ATP6V0A1: variants seen among roughly 807,000 people sequenced by gnomAD.
The protein encoded by ATP6V0A1 is V-type proton ATPase 116 kDa subunit a 1.
A neutral mutation model predicts 105.4 loss-of-function variants in ATP6V0A1; 43 were observed. The observed-to-expected ratio is 0.41, with a 90% CI of 0.32 to 0.53. The LOEUF (loss-of-function observed/expected upper bound fraction) is 0.53. Among genes scored for constraint, ATP6V0A1 ranks in the 20% least tolerant of loss-of-function variants. ATP6V0A1 has a pLI of 0.30. For missense variants in ATP6V0A1, 676 were observed against 1,051.1 expected, an observed-to-expected ratio of 0.64 and a Z score of 4.93; for synonymous variants, 362 against 372.8, an observed-to-expected ratio of 0.97 and a Z score of 0.33.
intron 17 of ATP6V0A1, among the ~76,000 whole-genome samples, chr17:42,505,626 C>T (rs560320715): frequency 6.6e-6 from 1 of 152,288 alleles, no homozygotes; most frequent in Non-Finnish European, 1.5e-5. Context: ...GTGTGAGCCA[C>T]TGTGCCCAGC....
intron 17 of ATP6V0A1, 31 bp downstream of exon 17, chr17:42,501,335 A>G: frequency 1.3e-6 from 2 of 1,523,630 alleles, no homozygotes; most frequent in Non-Finnish European, 1.8e-6. Flanking sequence ...AAAAGTTACT[A>G]GACTTTTGTT....
At chr17:42,498,392 T>C (rs550544581) in intron 14 of ATP6V0A1, among the ~76,000 whole-genome samples, 1 of 152,286 alleles carries the variant, frequency 6.6e-6, no homozygotes, top group East Asian at 1.9e-4. Flanking sequence ...ATGTTAATTT[T>C]TGAAGCATTC....
chr17:42,507,875 C>T (rs2092124127), intron 18 of ATP6V0A1, among the ~76,000 whole-genome samples: 1 of 152,188 alleles, frequency 6.6e-6, no homozygotes, highest in South Asian at 2.1e-4. Context: ...GCCCGCAGTG[C>T]TCTGCACGCA....
intron 21 of ATP6V0A1, chr17:42,519,070 G>A (rs948771356): frequency 3.9e-5 from 6 of 152,428 alleles, no homozygotes; most frequent in Non-Finnish European, 7.3e-5. Context: ...GCCGCTCTAA[G>A]TCTCTAAAGC....
At chr17:42,489,784 A>G (rs1048526089) in intron 10 of ATP6V0A1, among the ~76,000 whole-genome samples, 4 of 152,094 alleles carry the variant, frequency 2.6e-5, no homozygotes, top group Admixed American at 2.6e-4. Context: ...CAGACAAGGG[A>G]ACAAAGCTAA....
chr17:42,514,212 G>C, intron 20 of ATP6V0A1, 77 bp from the exon 21 acceptor site: 1 of 1,510,270 alleles, frequency 6.6e-7, no homozygotes, highest in Non-Finnish European at 8.9e-7. Flanking sequence ...TAGAGCAGGG[G>C]GATGGCAGAG....
intron 2 of ATP6V0A1, among the ~76,000 whole-genome samples, chr17:42,462,873 A>G (rs904692993): frequency 1.3e-5 from 2 of 151,978 alleles, no homozygotes; most frequent in Non-Finnish European, 2.9e-5. Context: ...TCAGCCTCCC[A>G]AAGTGCTAGG....
intron 8 of ATP6V0A1, among the ~76,000 whole-genome samples, chr17:42,482,827 C>T (rs2145874806): frequency 6.9e-6 from 1 of 144,098 alleles, no homozygotes; most frequent in Admixed American, 7.4e-5. Context: ...AACCCAGGGG[C>T]AGAGGTTGCA....
chr17:42,518,442 C>G (rs1366636347), intron 21 of ATP6V0A1: 5 of 152,244 alleles, frequency 3.3e-5, no homozygotes, highest in African/African-American at 1.2e-4. Flanking sequence ...GGCCGTCAGA[C>G]AGATGTGTGT....
In ATP6V0A1 at chr17:42,485,709, C is replaced by A. The variant is rs550052433; in HGVS notation, c.811-1446C>A. Reference sequence around the variant, plus strand: ...GGGACTACAGGTGCCTGCTGCCATGCCCAGCTAATTATTTTTTGGTATGTT... The same window carrying A: ...GGGACTACAGGTGCCTGCTGCCATGACCAGCTAATTATTTTTTGGTATGTT... On this transcript the variant is annotated intron_variant, in intron 9 of 21. Transcript: ENST00000343619. Among the ~76,000 whole-genome samples the A allele has an allele frequency of 3.3e-5, 5 of 152,244 alleles. No individual in the cohort carries two copies. In the East Asian group the frequency reaches 7.7e-4, roughly 23 times the overall value.
intron 17 of ATP6V0A1, among the ~76,000 whole-genome samples, chr17:42,505,078 C>A (rs532936542): frequency 6.6e-6 from 1 of 151,858 alleles, no homozygotes; most frequent in Admixed American, 6.6e-5. Flanking sequence ...GATCTGTCAC[C>A]CAGCTGTAGT....
At chr17:42,491,472 G>A (rs2090620127) in intron 11 of ATP6V0A1, among the ~76,000 whole-genome samples, 2 of 151,634 alleles carry the variant, frequency 1.3e-5, no homozygotes, top group South Asian at 2.1e-4. Flanking sequence ...CACCATGCCC[G>A]GCTAATTTTT....
intron 11 of ATP6V0A1, among the ~76,000 whole-genome samples, chr17:42,493,642 T>G (rs543845548): frequency 6.6e-6 from 1 of 152,106 alleles, no homozygotes; most frequent in South Asian, 2.1e-4. Context: ...AAAATATTAT[T>G]TATCAGTAAT....
In ATP6V0A1 at chr17:42,478,466, C is replaced by T. The variant is rs115086488; in HGVS notation, c.510C>T (p.Phe170=). The change falls in exon 7 of 22, where the codon TTC becomes TTT. Residue 170 remains phenylalanine (F), a synonymous_variant. Coordinates refer to ENST00000343619, the MANE Select transcript of ATP6V0A1 (RefSeq NM_001130021.3). ...MGRGTPLRLG[F]VAGVINRERI... ...AATCTGCCTCTTCTCCCCACAGCTT[C>T]GTGGCTGGTGTCATTAACCGGGAGC... is the stretch of plus-strand genomic sequence containing the variant. 136 of 1,598,464 alleles carry T rather than the reference C, an allele frequency of 8.5e-5. No individual in the cohort carries two copies. The African/African-American group carries it at 1.6e-3, about 19-fold the overall frequency.
chr17:42,484,220 C>A (rs1360547240), intron 9 of ATP6V0A1, among the ~76,000 whole-genome samples: 1 of 151,772 alleles, frequency 6.6e-6, no homozygotes, highest in Non-Finnish European at 1.5e-5. Context: ...ACACGCCCGG[C>A]TAATTTTTTG....
intron 21 of ATP6V0A1, chr17:42,519,534 C>T (rs1287931848): frequency 6.6e-6 from 1 of 152,232 alleles, no homozygotes; most frequent in Non-Finnish European, 1.5e-5. Flanking sequence ...ACAGTCTATT[C>T]AACATGAAGA....
intron 5 of ATP6V0A1, chr17:42,470,573 A>G (rs1181999857): frequency 5.6e-6 from 1 of 178,912 alleles, no homozygotes; most frequent in African/African-American, 2.4e-5. Flanking sequence ...GTTATAGACA[A>G]AATTATAACA....
intron 9 of ATP6V0A1, among the ~76,000 whole-genome samples, chr17:42,484,346 C>T (rs1049674989): frequency 2.0e-5 from 3 of 152,054 alleles, no homozygotes; most frequent in East Asian, 3.9e-4. Flanking sequence ...TGTGAGCCAC[C>T]GCGCCCGGCT....
chr17:42,459,123 C>T (rs1236968220), intron 1 of ATP6V0A1, 160 bp downstream of exon 1: 2 of 152,248 alleles, frequency 1.3e-5, no homozygotes, highest in Non-Finnish European at 1.5e-5. Flanking sequence ...CCTCCTCTGC[C>T]CTGAGGAACC....
Sources: gnomAD v4.1 joint callset for allele counts (sites outside exome capture counted in the v4.1 genomes callset) on GRCh38, gnomAD v4.1.1 for gene constraint, MANE v1.5 for transcripts, NCBI Gene and HGNC (gene_info 2026-07-23, HGNC 2026-07-21) for gene names.